Variants in SDHAF3 observed in about 807,000 individuals in gnomAD.
SDHAF3 encodes the protein succinate dehydrogenase assembly factor 3, mitochondrial.
In SDHAF3, 18 loss-of-function variants were observed where a neutral mutation model predicts 11.5. That is an observed-to-expected ratio of 1.56 (90% CI 1.08 to 2.32). The LOEUF (loss-of-function observed/expected upper bound fraction) is 2.32. Among genes scored for constraint, SDHAF3 ranks in the 30% most tolerant of loss-of-function variants. SDHAF3 has a pLI of 0.00. For missense variants in SDHAF3, 200 were observed against 154.4 expected (o/e 1.30, Z -1.57); for synonymous variants, 72 against 59.3 (o/e 1.21, Z -0.99).
At position 97,157,900 on chromosome 7, in the gene SDHAF3, TGG is replaced by T. The variant is rs1789328968; in HGVS notation, c.175-23110_175-23109del. 3.0e-5 allele frequency among the ~76,000 whole-genome samples: 4 copies of T among 132,244 alleles called. No homozygotes were observed. In the Admixed American group the frequency reaches 3.6e-4, roughly 12 times the overall value. 86.8% of individuals were successfully genotyped at this position (132,244 alleles called of 152,430 possible). A position where few individuals can be genotyped will look rare whatever the true frequency, so the allele number is the denominator to read the frequency against. ...AACACCGCATGTTCTCACTCATAGG[TGG>T]GAATTGAACAATGAGAACACATGGA... On this transcript the variant is annotated intron_variant, in intron 1 of 1. Transcript: ENST00000432641.
chr7:97,148,513 G>A (rs771152610), intron 1 of SDHAF3, among the ~76,000 whole-genome samples: 31 of 152,012 alleles, frequency 2.0e-4, no homozygotes, highest in Admixed American at 3.3e-4. Flanking sequence ...CTCCAGCCTG[G>A]GCGAAAAAGC....
At chr7:97,132,043 C>T (rs1193911308) in intron 1 of SDHAF3, among the ~76,000 whole-genome samples, 1 of 151,952 alleles carries the variant, frequency 6.6e-6, no homozygotes, top group Admixed American at 6.6e-5. Flanking sequence ...TTCTGTGTAC[C>T]TCAGATTTTC....
At chr7:97,142,986 G>A (rs982654379) in intron 1 of SDHAF3, among the ~76,000 whole-genome samples, 1 of 138,040 alleles carries the variant, frequency 7.2e-6, no homozygotes, top group Non-Finnish European at 1.5e-5. Flanking sequence ...TGCAACCTCT[G>A]TCTCCTGGGT....
chr7:97,133,130 A>G (rs191764009), intron 1 of SDHAF3, among the ~76,000 whole-genome samples: 148 of 152,270 alleles, frequency 9.7e-4, no homozygotes, highest in African/African-American at 3.6e-3. Flanking sequence ...AAGAAGTAAT[A>G]TTTAGTGAAT....
At chr7:97,165,982 CAA>C (rs1442760990) in intron 1 of SDHAF3, among the ~76,000 whole-genome samples, 1 of 152,114 alleles carries the variant, frequency 6.6e-6, no homozygotes, top group Non-Finnish European at 1.5e-5. Flanking sequence ...TACAAATTGC[CAA>C]GAGAGCATAG....
At chr7:97,149,662 C>T (rs1789188564) in intron 1 of SDHAF3, among the ~76,000 whole-genome samples, 1 of 152,160 alleles carries the variant, frequency 6.6e-6, no homozygotes, top group South Asian at 2.1e-4. Context: ...GCTGAAAATG[C>T]TAATGATTGT....
At position 97,118,023 on chromosome 7, in the gene SDHAF3, C is replaced by A. The variant is rs568250949; in HGVS notation, c.174+126C>A. The A allele has an allele frequency of 5.1e-6, 6 of 1,169,910 alleles. No homozygotes were observed. The South Asian group carries it at 7.8e-5, about 15-fold the overall frequency. 72.5% of individuals were successfully genotyped at this position (1,169,910 alleles called of 1,614,324 possible). Reference sequence around the variant, plus strand: ...CTGTTCTGTTTGAAATAGCGTAATGCTGTTCAGGTAACACTTTCCAAAGTT... The same window carrying A: ...CTGTTCTGTTTGAAATAGCGTAATGATGTTCAGGTAACACTTTCCAAAGTT... On this transcript the variant is annotated intron_variant, in intron 1 of 1. Transcript: ENST00000432641.
At chr7:97,118,784 TA>T (rs139768848) in intron 1 of SDHAF3, among the ~76,000 whole-genome samples, 1 of 151,514 alleles carries the variant, frequency 6.6e-6, no homozygotes, top group East Asian at 1.9e-4. Flanking sequence ...GTCGGCTTTG[TA>T]AAAAAAAATC....
chr7:97,125,786 G>A (rs1279837599), intron 1 of SDHAF3, among the ~76,000 whole-genome samples: 2 of 152,120 alleles, frequency 1.3e-5, no homozygotes, highest in Non-Finnish European at 2.9e-5. Flanking sequence ...ACATGCCTCC[G>A]TAGCTCAGAG....
chr7:97,126,586 C>T (rs1310941656), intron 1 of SDHAF3, among the ~76,000 whole-genome samples: 1 of 152,084 alleles, frequency 6.6e-6, no homozygotes, highest in African/African-American at 2.4e-5. Context: ...TCCTCCCAGT[C>T]CTTAGTACTG....
intron 1 of SDHAF3, among the ~76,000 whole-genome samples, chr7:97,163,168 C>T (rs1445028679): frequency 1.6e-5 from 2 of 125,008 alleles, no homozygotes; most frequent in Admixed American, 8.6e-5. Flanking sequence ...GTTTAAAGTC[C>T]TTTTTTTTTT....
intron 1 of SDHAF3, among the ~76,000 whole-genome samples, chr7:97,157,901 G>A (rs1789328932): frequency 6.9e-6 from 1 of 144,846 alleles, no homozygotes; most frequent in African/African-American, 2.6e-5. Context: ...ACTCATAGGT[G>A]GGAATTGAAC....
intron 1 of SDHAF3, among the ~76,000 whole-genome samples, chr7:97,131,703 T>TG (rs1791673229): frequency 6.6e-6 from 1 of 152,180 alleles, no homozygotes; most frequent in South Asian, 2.1e-4. Context: ...AATATGTGAT[T>TG]GGTCACATTA....
intron 1 of SDHAF3, among the ~76,000 whole-genome samples, chr7:97,144,446 G>T (rs1277898783): frequency 6.6e-6 from 1 of 152,124 alleles, no homozygotes; most frequent in African/African-American, 2.4e-5. Context: ...TATAGTTTCA[G>T]GTCTTAGGTT....
chr7:97,122,957 C>T (rs1791523679), intron 1 of SDHAF3, among the ~76,000 whole-genome samples: 1 of 151,320 alleles, frequency 6.6e-6, no homozygotes. Flanking sequence ...TTCCTAGCTA[C>T]TGCTGCAATG....
At chr7:97,123,662 T>TTTAAAACAGCA (rs1791532545) in intron 1 of SDHAF3, among the ~76,000 whole-genome samples, 1 of 152,150 alleles carries the variant, frequency 6.6e-6, no homozygotes, top group African/African-American at 2.4e-5. Context: ...CATCTGTAGT[T>TTTAAAACAGCA]TCCTGATGTT....
chr7:97,120,049 G>C (rs914242917), intron 1 of SDHAF3, among the ~76,000 whole-genome samples: 1 of 152,020 alleles, frequency 6.6e-6, no homozygotes, highest in African/African-American at 2.4e-5. Flanking sequence ...ATACATATTT[G>C]GGGGTAGGTA....
chr7:97,135,710 CAG>C (rs1416979517), intron 1 of SDHAF3: 1 of 109,496 alleles, frequency 9.1e-6, no homozygotes, highest in African/African-American at 3.6e-5. Flanking sequence ...TTTTGGGAGA[CAG>C]AGTCTCACTC....
At chr7:97,132,167 G>T (rs1295656611) in intron 1 of SDHAF3, among the ~76,000 whole-genome samples, 1 of 152,106 alleles carries the variant, frequency 6.6e-6, no homozygotes, top group Non-Finnish European at 1.5e-5. Flanking sequence ...TTTCACAAAG[G>T]ACTTGAGGCA....
Sources: allele counts gnomAD v4.1 joint callset (sites outside exome capture counted in the v4.1 genomes callset), GRCh38; gene constraint gnomAD v4.1.1; transcripts MANE v1.5; gene names NCBI Gene and HGNC (gene_info 2026-07-23, HGNC 2026-07-21).